The following MTMR1 variants were observed in gnomAD, a reference collection of about 807,000 sequenced individuals.
The protein encoded by MTMR1 is phosphatidylinositol-3-phosphate phosphatase MTMR1.
Under a neutral mutation model 51.6 loss-of-function variants are expected in MTMR1, and 17 were observed. That is an observed-to-expected ratio of 0.33 (90% CI 0.23 to 0.49). MTMR1 has a LOEUF of 0.49. Among genes scored for constraint, MTMR1 ranks in the 20% least tolerant of loss-of-function variants. The pLI is 0.99. For missense variants in MTMR1, 386 were observed against 526.9 expected, an observed-to-expected ratio of 0.73 and a Z score of 2.62; for synonymous variants, 201 against 205.6, an observed-to-expected ratio of 0.98 and a Z score of 0.19.
intron 2 of MTMR1, among the ~76,000 whole-genome samples, chrX:150,710,504 GC>G (rs1475028825): frequency 9.0e-6 from 1 of 110,898 alleles, no homozygotes; most frequent in Non-Finnish European, 1.9e-5. Context: ...GGGATTACAG[GC>G]TCCTGCCACC....
intron 6 of MTMR1, among the ~76,000 whole-genome samples, chrX:150,729,260 G>T (rs2042041254): frequency 9.1e-6 from 1 of 109,975 alleles, no homozygotes; most frequent in Non-Finnish European, 1.9e-5. Flanking sequence ...CAGAATCTTT[G>T]CATGTGCTCT....
intron 13 of MTMR1, 119 bp downstream of exon 13, chrX:150,744,572 C>T: frequency 1.7e-6 from 1 of 577,546 alleles, no homozygotes; most frequent in Non-Finnish European, 2.7e-6. Context: ...CATTATTTAA[C>T]ACAATTTGAT....
At chrX:150,710,143 A>T (rs1557416177) in intron 2 of MTMR1, among the ~76,000 whole-genome samples, 1 of 111,292 alleles carries the variant, frequency 9.0e-6, no homozygotes, top group African/African-American at 3.3e-5. Flanking sequence ...GGGTCAAAAT[A>T]GGTTTAGGGC....
rs782726017 is a variant in MTMR1, at chrX:150,707,690, C to T, written c.253-4652C>T. ...AGTTTCTTAAAAATGAAATGTGCAC[C>T]TGCCATATGACCAAACAATTGTACT... is the stretch of plus-strand genomic sequence containing the variant. On this transcript the variant is annotated intron_variant, in intron 2 of 15. Transcript: ENST00000445323. Among the ~76,000 whole-genome samples the T allele has an allele frequency of 1.1e-4, 12 of 112,162 alleles. No homozygotes were observed. The South Asian group carries it at 4.4e-3, about 41-fold the overall frequency.
At chrX:150,757,299 G>A (rs781789017) in intron 15 of MTMR1, among the ~76,000 whole-genome samples, 7 of 112,616 alleles carry the variant, frequency 6.2e-5, no homozygotes, top group Non-Finnish European at 9.4e-5. Flanking sequence ...GCGCCCCGCT[G>A]CCCCAGGCCG....
intron 4 of MTMR1, 135 bp downstream of exon 4, chrX:150,718,835 C>A (rs1569565669): frequency 5.5e-6 from 3 of 548,003 alleles, no homozygotes; most frequent in Non-Finnish European, 8.5e-6. Context: ...TAGATCTATT[C>A]ATCCTCATTA....
chrX:150,720,910 G>A (rs1185555980), intron 4 of MTMR1, among the ~76,000 whole-genome samples: 2 of 111,351 alleles, frequency 1.8e-5, no homozygotes, highest in African/African-American at 6.6e-5. Context: ...CTTTCACCAT[G>A]AAATATAATG....
At chrX:150,736,879 G>T in intron 11 of MTMR1, 99 bp downstream of exon 11, 1 of 833,047 alleles carries the variant, frequency 1.2e-6, no homozygotes, top group South Asian at 3.1e-5. Context: ...CTGTGTGCAT[G>T]AACTTTCTTA....
At chrX:150,761,882 C>A (rs1038565839) in intron 15 of MTMR1, among the ~76,000 whole-genome samples, 1 of 112,235 alleles carries the variant, frequency 8.9e-6, no homozygotes, top group Non-Finnish European at 1.9e-5. Flanking sequence ...CCCGGGAAAA[C>A]CTTTCTTGTT....
At position 150,718,606 on chromosome X, in the gene MTMR1, T is replaced by C; in HGVS notation, c.277-19T>C. On this transcript the variant is annotated intron_variant, in intron 3 of 15. Coordinates refer to ENST00000445323, the MANE Select transcript of MTMR1 (RefSeq NM_001306144.3). ...GTCCTTTTTTTTTTTTTTTTTTTTT[T>C]TTTTTTTTTTTTTGCCAGGCTCTAA... The C allele has an allele frequency of 1.0e-6, 1 of 973,982 alleles. No individual in the cohort carries two copies. Among genetic ancestry groups the C allele is most frequent in the Non-Finnish European group, 1.3e-6 (1 of 772,006 alleles). 80.3% of individuals were successfully genotyped at this position (973,982 alleles called of 1,213,427 possible).
intron 15 of MTMR1, among the ~76,000 whole-genome samples, chrX:150,757,022 T>C (rs891326974): frequency 1.8e-5 from 2 of 112,223 alleles, no homozygotes; most frequent in Non-Finnish European, 1.9e-5. Flanking sequence ...ACCCAGGGCA[T>C]TGTTTAATAG....
rs781945577 is a variant in MTMR1 at position 150,764,007 on chromosome X, GC to G, written c.*1282del. 2 of 112,335 alleles carry G rather than the reference GC, an allele frequency of 1.8e-5. No homozygotes were observed. Among genetic ancestry groups the G allele is most frequent in the Non-Finnish European group, 3.8e-5 (2 of 53,195 alleles). The allele number at this position is 112,335 out of a possible 1,213,427, so 9.3% of individuals were successfully genotyped here. A position where few individuals can be genotyped will look rare whatever the true frequency, so the allele number is the denominator to read the frequency against. On this transcript the variant is annotated 3_prime_UTR_variant, in exon 16 of 16. Transcript: ENST00000445323. ...CCTGGGTCCTGCCCCAGCAGGCCAT[GC>G]CCCTCCCATGTGCCGTGCCTGTTGC... is the stretch of plus-strand genomic sequence containing the variant.
In MTMR1 at chrX:150,764,991, TAATAA is replaced by T. The variant is rs1557418431; in HGVS notation, c.*2268_*2272del. Reference sequence around the variant, plus strand: ...AGATTTTTCCTTTGAGGAAAATCGGTAATAAAATAACATGGATTGAATGTTTACTG... The same window carrying T: ...AGATTTTTCCTTTGAGGAAAATCGGTAATAACATGGATTGAATGTTTACTG... On this transcript the variant is annotated 3_prime_UTR_variant, in exon 16 of 16. Coordinates refer to ENST00000445323, the MANE Select transcript of MTMR1 (RefSeq NM_001306144.3). 8.9e-6 allele frequency: 1 copy of T among 112,483 alleles called. No individual in the cohort carries two copies. Among genetic ancestry groups the T allele is most frequent in the African/African-American group, 3.2e-5 (1 of 30,931 alleles). The allele number at this position is 112,483 out of a possible 1,213,427, so 9.3% of individuals were successfully genotyped here. A position where few individuals can be genotyped will look rare whatever the true frequency, so the allele number is the denominator to read the frequency against.
chrX:150,706,769 A>G (rs1479152121), intron 2 of MTMR1, among the ~76,000 whole-genome samples: 1 of 112,110 alleles, frequency 8.9e-6, no homozygotes, highest in African/African-American at 3.2e-5. Flanking sequence ...TAAAACTTAT[A>G]TGGAAAGGCA....
intron 2 of MTMR1, among the ~76,000 whole-genome samples, chrX:150,711,854 A>G (rs1294362778): frequency 1.8e-5 from 2 of 112,011 alleles, no homozygotes; most frequent in East Asian, 5.6e-4. Flanking sequence ...GATACCATCA[A>G]TGCAATATAG....
chrX:150,757,471 C>T (rs782653221), intron 15 of MTMR1, among the ~76,000 whole-genome samples: 7 of 112,548 alleles, frequency 6.2e-5, no homozygotes, highest in Non-Finnish European at 9.4e-5. Context: ...GCCACCCTTA[C>T]GACCTCAGGA....
intron 10 of MTMR1, among the ~76,000 whole-genome samples, chrX:150,735,098 T>C (rs1009888135): frequency 8.9e-6 from 1 of 111,915 alleles, no homozygotes; most frequent in Non-Finnish European, 1.9e-5. Flanking sequence ...AGCTAGAAGC[T>C]GAGGAGTGCC....
At position 150,698,197 on chromosome X, in the gene MTMR1, G is replaced by A. The variant is rs138655550; in HGVS notation, c.147-998G>A. On this transcript the variant is annotated intron_variant, in intron 1 of 15. Transcript: ENST00000445323. ...AATCCTAGCTACTAGGGAGGCTGAGGCAGGAGAATTGCTTGAACCCAGAAG... is the reference window on the plus strand; with the variant it reads ...AATCCTAGCTACTAGGGAGGCTGAGACAGGAGAATTGCTTGAACCCAGAAG... 3.6e-3 allele frequency among the ~76,000 whole-genome samples: 395 copies of A among 110,665 alleles called. 3 individuals carry two copies. Among genetic ancestry groups the A allele is most frequent in the African/African-American group, 0.012 (354 of 30,217 alleles).
chrX:150,752,073 C>T (rs1000986547), intron 14 of MTMR1, among the ~76,000 whole-genome samples: 2 of 109,488 alleles, frequency 1.8e-5, no homozygotes, highest in Admixed American at 9.8e-5. Context: ...CCCGCCACCA[C>T]GCCCGGCTAA....
Sources: gnomAD v4.1 joint callset for allele counts (sites outside exome capture counted in the v4.1 genomes callset) on GRCh38, gnomAD v4.1.1 for gene constraint, MANE v1.5 for transcripts, NCBI Gene and HGNC (gene_info 2026-07-23, HGNC 2026-07-21) for gene names.